SLC35F3: variants seen among roughly 807,000 people sequenced by gnomAD.
The protein encoded by SLC35F3 is putative thiamine transporter SLC35F3.
Under a neutral mutation model 49.9 loss-of-function variants are expected in SLC35F3, and 25 were observed. The ratio of observed to expected loss-of-function variants is 0.50; its 90% CI spans 0.37 to 0.70. The LOEUF is 0.70. Ranked by LOEUF, SLC35F3 falls within the 30% of genes least tolerant of loss-of-function variation. The pLI is 0.00. For synonymous variants in SLC35F3, 275 were observed against 265.4 expected, an observed-to-expected ratio of 1.04 and a Z score of -0.35; for missense variants, 525 against 639.8, an observed-to-expected ratio of 0.82 and a Z score of 1.94.
At chr1:234,067,736 C>T (rs1664643777) in intron 2 of SLC35F3, among the ~76,000 whole-genome samples, 1 of 152,188 alleles carries the variant, frequency 6.6e-6, no homozygotes, top group South Asian at 2.1e-4. Flanking sequence ...AGCTGAGCCT[C>T]CAGATGACTG....
intron 3 of SLC35F3, chr1:234,285,341 G>A: frequency 2.1e-6 from 1 of 484,180 alleles, no homozygotes; most frequent in Non-Finnish European, 4.2e-6. Context: ...ACATCCGCAG[G>A]GTTCAGATGA....
rs550406025 is a variant in SLC35F3 at position 233,912,278 on chromosome 1, T to G, written c.283+6520T>G. Reference sequence around the variant, plus strand: ...GTGAATCACGAGGTCAGGAGTTCAATACCAGCCTGGCCAAGATGGTGAAAC... The same window carrying G: ...GTGAATCACGAGGTCAGGAGTTCAAGACCAGCCTGGCCAAGATGGTGAAAC... On this transcript the variant is annotated intron_variant, in intron 2 of 7. Transcript: ENST00000366618. Among the ~76,000 whole-genome samples the G allele has an allele frequency of 2.3e-3, 354 of 152,128 alleles. 3 individuals are homozygous for G. Among genetic ancestry groups the G allele is most frequent in the African/African-American group, 6.9e-3 (286 of 41,502 alleles).
chr1:234,051,036 T>C (rs1193329483), intron 2 of SLC35F3, among the ~76,000 whole-genome samples: 1 of 152,242 alleles, frequency 6.6e-6, no homozygotes, highest in South Asian at 2.1e-4. Flanking sequence ...TTTTGGTTAC[T>C]GTAGCCTGGT....
At chr1:233,914,248 C>T (rs770354536) in intron 2 of SLC35F3, among the ~76,000 whole-genome samples, 1 of 152,136 alleles carries the variant, frequency 6.6e-6, no homozygotes, top group African/African-American at 2.4e-5. Flanking sequence ...TCTGACAGAG[C>T]GGTCTATTGA....
intron 2 of SLC35F3, among the ~76,000 whole-genome samples, chr1:233,982,079 C>G (rs752572867): frequency 6.6e-6 from 1 of 152,154 alleles, no homozygotes; most frequent in Non-Finnish European, 1.5e-5. Flanking sequence ...TGTGCCACCA[C>G]GCCCAACTAA....
At chr1:234,238,074 T>C (rs1048264625) in intron 3 of SLC35F3, among the ~76,000 whole-genome samples, 6 of 152,222 alleles carry the variant, frequency 3.9e-5, no homozygotes, top group African/African-American at 9.6e-5. Context: ...TTACAGTTGA[T>C]GTTTTTGTTG....
chr1:234,036,484 C>A (rs1452724931), intron 2 of SLC35F3, among the ~76,000 whole-genome samples: 1 of 152,196 alleles, frequency 6.6e-6, no homozygotes, highest in Non-Finnish European at 1.5e-5. Flanking sequence ...AGTGGCCTGA[C>A]AGCCTCCTGG....
At chr1:234,064,760 A>G (rs777343828) in intron 2 of SLC35F3, among the ~76,000 whole-genome samples, 1 of 151,738 alleles carries the variant, frequency 6.6e-6, no homozygotes, top group Non-Finnish European at 1.5e-5. Flanking sequence ...GACCAGAGGT[A>G]GTTCAGGCAT....
chr1:234,109,258 T>G (rs1349838329), intron 2 of SLC35F3, among the ~76,000 whole-genome samples: 3 of 152,196 alleles, frequency 2.0e-5, no homozygotes, highest in Non-Finnish European at 4.4e-5. Flanking sequence ...ATTTCTTTCT[T>G]CATAGTTTTA....
chr1:234,085,476 C>T (rs1664947156), intron 2 of SLC35F3, among the ~76,000 whole-genome samples: 1 of 152,170 alleles, frequency 6.6e-6, no homozygotes, highest in Non-Finnish European at 1.5e-5. Flanking sequence ...GTGCTATGAT[C>T]CTTATTTCCC....
chr1:233,945,694 A>G (rs1178978262), intron 2 of SLC35F3, among the ~76,000 whole-genome samples: 2 of 152,178 alleles, frequency 1.3e-5, no homozygotes, highest in Admixed American at 1.3e-4. Flanking sequence ...TTTCCCCCAT[A>G]CTGTTCTTGT....
At chr1:234,115,274 GC>G (rs1275688736) in intron 2 of SLC35F3, among the ~76,000 whole-genome samples, 1 of 152,120 alleles carries the variant, frequency 6.6e-6, no homozygotes, top group Non-Finnish European at 1.5e-5. Flanking sequence ...TAATATTGCT[GC>G]CCCTTTTACT....
chr1:234,002,679 C>T (rs548977075), intron 2 of SLC35F3, among the ~76,000 whole-genome samples: 19 of 152,260 alleles, frequency 1.2e-4, no homozygotes, highest in Admixed American at 1.1e-3. Flanking sequence ...CTCTTTGCTC[C>T]ACTCCTTCAT....
intron 2 of SLC35F3, among the ~76,000 whole-genome samples, chr1:234,217,626 AG>A (rs1385685549): frequency 1.3e-5 from 2 of 151,476 alleles, no homozygotes; most frequent in African/African-American, 4.9e-5. Flanking sequence ...TCTGAGAAGG[AG>A]GCCTTTCTAA....
At chr1:233,965,671 G>A (rs10797510) in intron 2 of SLC35F3, among the ~76,000 whole-genome samples, 71,454 of 151,920 alleles carry the variant, frequency 0.47, 17,305 homozygotes, top group Non-Finnish European at 0.52. Flanking sequence ...ACTGGAGTGA[G>A]CTTGGAAGTG....
intron 3 of SLC35F3, among the ~76,000 whole-genome samples, chr1:234,275,763 A>AAAAAAATAT (rs1553260465): frequency 7.4e-6 from 1 of 135,532 alleles, no homozygotes; most frequent in African/African-American, 2.8e-5. Flanking sequence ...AAAAAAAAAA[A>AAAAAAATAT]ATATATATAT....
chr1:233,929,640 T>C (rs1472032036), intron 2 of SLC35F3, among the ~76,000 whole-genome samples: 2 of 152,306 alleles, frequency 1.3e-5, no homozygotes, highest in Admixed American at 1.3e-4. Context: ...AGTGTTTGCA[T>C]TTCAAAGCTT....
At chr1:234,177,910 C>A (rs964938824) in intron 2 of SLC35F3, among the ~76,000 whole-genome samples, 6 of 152,210 alleles carry the variant, frequency 3.9e-5, no homozygotes, top group Non-Finnish European at 7.3e-5. Flanking sequence ...AATCATAGTA[C>A]AGTTTTGCTT....
At chr1:234,157,545 G>A (rs192691978) in intron 2 of SLC35F3, among the ~76,000 whole-genome samples, 4 of 152,236 alleles carry the variant, frequency 2.6e-5, no homozygotes, top group African/African-American at 7.2e-5. Context: ...ACATGAGGAC[G>A]CAATTCTGAA....
Sources: allele counts gnomAD v4.1 joint callset (sites outside exome capture counted in the v4.1 genomes callset), GRCh38; gene constraint gnomAD v4.1.1; transcripts MANE v1.5; gene names NCBI Gene and HGNC (gene_info 2026-07-23, HGNC 2026-07-21).